Variants in SLC6A6 observed in about 807,000 individuals in gnomAD.
SLC6A6 encodes solute carrier family 6 member 6, also known as sodium- and chloride-dependent taurine transporter.
In SLC6A6, 16 loss-of-function variants were observed where a neutral mutation model predicts 68.8. The observed-to-expected ratio is 0.23, with a 90% CI of 0.16 to 0.35. SLC6A6 has a LOEUF of 0.35. Ranked by LOEUF, SLC6A6 falls within the 10% of genes least tolerant of loss-of-function variation. The pLI, the probability that SLC6A6 is intolerant of heterozygous loss-of-function variation, is 1.00. For missense variants in SLC6A6, 474 were observed against 802.8 expected (o/e 0.59, Z 4.95); for synonymous variants, 312 against 315.4 (o/e 0.99, Z 0.12).
At chr3:14,447,221 T>TATCCATCC (rs3836358) in intron 4 of SLC6A6, among the ~76,000 whole-genome samples, 21,423 of 149,392 alleles carry the variant, frequency 0.14, 1,787 homozygotes, top group Non-Finnish European at 0.18. Flanking sequence ...TCTATTCAGC[T>TATCCATCC]ATCCATCCAT....
intron 6 of SLC6A6, among the ~76,000 whole-genome samples, chr3:14,462,805 C>T (rs1388286934): frequency 6.6e-6 from 1 of 152,192 alleles, no homozygotes; most frequent in East Asian, 1.9e-4. Flanking sequence ...GTAGAGAACA[C>T]ACACATTTTC....
chr3:14,470,730 G>A (rs1459035568), intron 9 of SLC6A6, among the ~76,000 whole-genome samples: 3 of 152,264 alleles, frequency 2.0e-5, no homozygotes, highest in Non-Finnish European at 4.4e-5. Flanking sequence ...GGGTGGAAAC[G>A]CCGCGGCTTT....
intron 2 of SLC6A6, among the ~76,000 whole-genome samples, chr3:14,431,306 TG>T (rs1699719423): frequency 6.6e-6 from 1 of 152,130 alleles, no homozygotes; most frequent in Non-Finnish European, 1.5e-5. Flanking sequence ...CTATGCAGAG[TG>T]TCCCCAGAGC....
chr3:14,436,602 T>C (rs1699861010), intron 2 of SLC6A6, among the ~76,000 whole-genome samples: 3 of 134,600 alleles, frequency 2.2e-5, no homozygotes, highest in Non-Finnish European at 3.1e-5. Flanking sequence ...TGTTAAACAC[T>C]AGGGCCAAGG....
chr3:14,459,883 CTTTTTTTTTTTTTT>C (rs869191764), intron 6 of SLC6A6, among the ~76,000 whole-genome samples: 2 of 40,190 alleles, frequency 5.0e-5, no homozygotes, highest in East Asian at 7.1e-4. Flanking sequence ...TAATTCTCTT[CTTTTTTTTTTTTTT>C]TTTTTTTTTT....
At chr3:14,478,376 T>G (rs948915089) in intron 11 of SLC6A6, 90 bp from the exon 12 acceptor site, 2 of 766,118 alleles carry the variant, frequency 2.6e-6, no homozygotes, top group Non-Finnish European at 4.6e-6. Flanking sequence ...TGGGTTTTTT[T>G]AATCTTATTG....
intron 1 of SLC6A6, among the ~76,000 whole-genome samples, chr3:14,409,176 T>C (rs1299914530): frequency 6.6e-6 from 1 of 152,220 alleles, no homozygotes; most frequent in Non-Finnish European, 1.5e-5. Context: ...TCTATCCCAA[T>C]AGCAGGCCAT....
chr3:14,464,213 G>A (rs1441105160), intron 6 of SLC6A6, among the ~76,000 whole-genome samples: 3 of 152,180 alleles, frequency 2.0e-5, no homozygotes, highest in Non-Finnish European at 4.4e-5. Flanking sequence ...AGACCTGAGG[G>A]CCTCCCTACT....
intron 5 of SLC6A6, among the ~76,000 whole-genome samples, chr3:14,456,999 G>A (rs990472398): frequency 6.6e-6 from 1 of 152,200 alleles, no homozygotes; most frequent in Non-Finnish European, 1.5e-5. Context: ...TGGGACCATG[G>A]GTGCCACTTC....
At chr3:14,443,517 C>A in intron 2 of SLC6A6, 107 bp from the exon 3 acceptor site, 1 of 756,346 alleles carries the variant, frequency 1.3e-6, no homozygotes, top group Non-Finnish European at 2.2e-6. Flanking sequence ...TTGCCACAGG[C>A]CCGGGCAGGT....
chr3:14,426,855 G>A (rs965719522), intron 2 of SLC6A6, among the ~76,000 whole-genome samples: 18 of 152,272 alleles, frequency 1.2e-4, no homozygotes, highest in African/African-American at 3.9e-4. Flanking sequence ...CCAGGGGAAG[G>A]TGCACCTGAG....
intron 2 of SLC6A6, among the ~76,000 whole-genome samples, chr3:14,427,567 C>A (rs1166152031): frequency 2.6e-5 from 4 of 152,168 alleles, no homozygotes; most frequent in African/African-American, 9.7e-5. Context: ...AGGAGGGGTC[C>A]CCGGTGCCCA....
rs571770574 is a variant in SLC6A6 at position 14,450,318 on chromosome 3, C to G, written c.599+2502C>G. On this transcript the variant is annotated intron_variant, in intron 5 of 14. Coordinates refer to ENST00000622186, the MANE Select transcript of SLC6A6 (RefSeq NM_003043.6). This position sits in a 1 kb window ranked among gnomAD's most constrained non-coding sequence, Gnocchi z 4.1. The stretch of plus-strand genomic sequence containing the variant: ...GGGGGTATTCTGGGACCCTTGCCTT[C>G]CAGAATCTCCATTCTGAGCACCCCA... 3.0e-4 allele frequency among the ~76,000 whole-genome samples: 46 copies of G among 152,128 alleles called. No homozygotes were observed. Among genetic ancestry groups the G allele is most frequent in the Non-Finnish European group, 5.9e-4 (40 of 68,010 alleles).
intron 1 of SLC6A6, among the ~76,000 whole-genome samples, chr3:14,414,878 T>A (rs1699330407): frequency 6.6e-6 from 1 of 152,198 alleles, no homozygotes; most frequent in Non-Finnish European, 1.5e-5. Flanking sequence ...TTGTAATTGG[T>A]AAGGTTTTGC....
In SLC6A6 at chr3:14,477,250, C is replaced by A. The variant is rs1418587117; in HGVS notation, c.1255C>A (p.Pro419Thr). 1 of 1,612,802 alleles carries A rather than the reference C, an allele frequency of 6.2e-7. No homozygotes were observed. Among genetic ancestry groups the A allele is most frequent in the Non-Finnish European group, 8.5e-7 (1 of 1,178,806 alleles). The change falls in exon 11 of 15, where the codon CCA becomes ACA. Residue 419 changes from proline to threonine, a missense_variant. By Grantham distance (38) the Pro-to-Thr change is conservative (BLOSUM62 -1). Around this residue, in one of 2 missense-constraint regions of SLC6A6, gnomAD observed 280 missense variants for 533.1 expected, o/e 0.53. Coordinates refer to ENST00000622186, the MANE Select transcript of SLC6A6 (RefSeq NM_003043.6). The surrounding 1 kb of genome is among the most constrained non-coding windows in gnomAD (Gnocchi z 4.2). Reference sequence around the variant, plus strand: ...GATCACATCCTTGGTTGATCTTTACCCATCCTTCCTAAGGAAGGGTTATCG... The same window carrying A: ...GATCACATCCTTGGTTGATCTTTACACATCCTTCCTAAGGAAGGGTTATCG... ...GQITSLVDLY[P>T]SFLRKGYRRE...
chr3:14,447,252 C>CCATG (rs1559300151), intron 4 of SLC6A6, among the ~76,000 whole-genome samples: 1 of 151,728 alleles, frequency 6.6e-6, no homozygotes, highest in Non-Finnish European at 1.5e-5. Flanking sequence ...ATCCATCCAT[C>CCATG]CATCCATCCA....
rs1471169757 is a variant in SLC6A6 at position 14,477,362 on chromosome 3, G to A, written c.1347+20G>A. The stretch of plus-strand genomic sequence containing the variant: ...ACGGAGGTAGGTGGCTCTCTCAGCT[G>A]TGTTTCAGGCTTGGTGCTCCAGTGC... On this transcript the variant is annotated intron_variant, in intron 11 of 14. Transcript: ENST00000622186. The surrounding 1 kb of genome is among the most constrained non-coding windows in gnomAD (Gnocchi z 4.2). 6.2e-7 allele frequency: 1 copy of A among 1,612,970 alleles called. No homozygotes were observed. The highest frequency in any genetic ancestry group is 2.2e-5 in the East Asian group (1 of 44,854).
Position 14,482,783 on chromosome 3 carries a change from T to C in SLC6A6, c.1722+942T>C, listed in dbSNP as rs61186135. Among the ~76,000 whole-genome samples, 912 of 152,166 alleles carry C rather than the reference T, an allele frequency of 6.0e-3. 9 individuals carry two copies. Among genetic ancestry groups the C allele is most frequent in the African/African-American group, 0.021 (861 of 41,486 alleles). ...TCCTGGAGCTTTTGACCCATTCTAT[T>C]TTTTCAGAGGACAGAGGGCAGCACC... is the stretch of plus-strand genomic sequence containing the variant. On this transcript the variant is annotated intron_variant, in intron 14 of 14. Transcript: ENST00000622186.
At chr3:14,457,896 C>T in intron 5 of SLC6A6, 54 bp from the exon 6 acceptor site, 1 of 1,598,562 alleles carries the variant, frequency 6.3e-7, no homozygotes, top group Non-Finnish European at 8.6e-7. Context: ...CCTTGGCTCT[C>T]TCTACTCCAG....
Sources: gnomAD v4.1 joint callset for allele counts (sites outside exome capture counted in the v4.1 genomes callset) on GRCh38, gnomAD v4.1.1 for gene constraint, gnomAD v4.1.1 regional missense constraint, Gnocchi (gnomAD v3.1) non-coding constraint, MANE v1.5 for transcripts, NCBI Gene and HGNC (gene_info 2026-07-23, HGNC 2026-07-21) for gene names.